Variants in DDX18 observed in about 807,000 individuals in gnomAD.
DDX18 encodes the protein ATP-dependent RNA helicase DDX18.
DDX18 carries 23 observed loss-of-function variants against 73.5 expected under a neutral mutation model. That is an observed-to-expected ratio of 0.31 (90% CI 0.23 to 0.44). The LOEUF (loss-of-function observed/expected upper bound fraction) is 0.44, where lower values mean the gene tolerates loss of function less well. DDX18 is among the 20% of genes least tolerant of loss of function. DDX18 has a pLI of 1.00. For synonymous variants in DDX18, 268 were observed against 282.7 expected (o/e 0.95, Z 0.52); for missense variants, 753 against 792.9 (o/e 0.95, Z 0.60).
Position 117,831,047 on chromosome 2 carries a change from C to A in DDX18, c.*323C>A. On this transcript the variant is annotated 3_prime_UTR_variant, in exon 14 of 14. Transcript: ENST00000263239. ...CATTTTAATATAATTCTTTTTGTACCTTTCCTTCTTGTTTTGCGAAGATTT... is the reference window on the plus strand; with the variant it reads ...CATTTTAATATAATTCTTTTTGTACATTTCCTTCTTGTTTTGCGAAGATTT... 1 of 239,666 alleles carries A rather than the reference C, an allele frequency of 4.2e-6. No homozygotes were observed. Among genetic ancestry groups the A allele is most frequent in the Non-Finnish European group, 7.9e-6 (1 of 126,468 alleles). 14.8% of individuals were successfully genotyped at this position (239,666 alleles called of 1,614,324 possible).
Position 117,826,324 on chromosome 2 carries a change from C to T in DDX18, c.1577C>T (p.Ala526Val), listed in dbSNP as rs771791188. 3.7e-6 allele frequency: 6 copies of T among 1,613,920 alleles called. No homozygotes were observed. Among genetic ancestry groups the T allele is most frequent in the Non-Finnish European group, 5.1e-6 (6 of 1,180,006 alleles). ...TARGLNGRGH[A>V]LLILRPEELG... The stretch of plus-strand genomic sequence containing the variant: ...AGAGGCCTAAATGGGAGAGGGCATG[C>T]CTTGCTCATTTTGCGCCCAGAAGAA... The change falls in exon 11 of 14, where the codon GCC becomes GTC. Residue 526 changes from alanine to valine, a missense_variant. Ala to Val is a moderately conservative substitution (Grantham distance 64). Around this residue, in one of 3 missense-constraint regions of DDX18, gnomAD observed 402 missense variants for 419.4 expected, o/e 0.96. Coordinates refer to ENST00000263239, the MANE Select transcript of DDX18 (RefSeq NM_006773.4).
In DDX18 at chr2:117,821,316, T is replaced by G. The variant is rs1490657373; in HGVS notation, c.650+20T>G. 1 of 1,587,538 alleles carries G rather than the reference T, an allele frequency of 6.3e-7. No individual in the cohort carries two copies. Among genetic ancestry groups the G allele is most frequent in the Non-Finnish European group, 8.5e-7 (1 of 1,170,904 alleles). ...AGGCAGGTATGATTAACATTGAAGC[T>G]TAGATATTGGCATCTATTTTTAGAA... On this transcript the variant is annotated intron_variant, in intron 4 of 13. Transcript: ENST00000263239.
chr2:117,820,288 A>G lies in DDX18; in HGVS notation c.514+496A>G, dbSNP rs145202602. Among the ~76,000 whole-genome samples, 333 of 152,320 alleles carry G rather than the reference A, an allele frequency of 2.2e-3. 4 individuals are homozygous for G. Among genetic ancestry groups the G allele is most frequent in the Non-Finnish European group, 3.5e-3 (240 of 68,026 alleles). ...CTAGACCTGCTTAATCCAAATTGCA[A>G]ACGTTTTGGTAGTAGCTCTCGAGCA... On this transcript the variant is annotated intron_variant, in intron 3 of 13. Coordinates refer to ENST00000263239, the MANE Select transcript of DDX18 (RefSeq NM_006773.4).
Position 117,830,669 on chromosome 2 carries a change from A to C in DDX18, c.1958A>C (p.Lys653Thr). The C allele has an allele frequency of 6.2e-7, 1 of 1,613,886 alleles. No homozygotes were observed. Among genetic ancestry groups the C allele is most frequent in the Non-Finnish European group, 8.5e-7 (1 of 1,179,814 alleles). The change falls in exon 14 of 14, where the codon AAA becomes ACA. Residue 653 changes from lysine (K) to threonine (T), a missense_variant. Transcript: ENST00000263239. Reference protein sequence around the residue: ...YQKTKKVEKSKIFKHISKKSS... With the variant: ...YQKTKKVEKSTIFKHISKKSS... ...AAAACCAAGAAAGTTGAGAAATCCA[A>C]AATCTTTAAACACATTAGCAAGAAA...
At chr2:117,824,904 G>T in intron 8 of DDX18, 36 bp from the exon 9 acceptor site, 5 of 1,564,878 alleles carry the variant, frequency 3.2e-6, no homozygotes, top group Non-Finnish European at 3.5e-6. Flanking sequence ...ATGTCCACTT[G>T]GTTCATTTGT....
chr2:117,823,788 T>C (rs1330734626), intron 7 of DDX18, among the ~76,000 whole-genome samples: 3 of 152,164 alleles, frequency 2.0e-5, no homozygotes, highest in Non-Finnish European at 2.9e-5. Flanking sequence ...TAGCTGCAGG[T>C]TTTATATAGA....
intron 10 of DDX18, 35 bp from the exon 11 acceptor site, chr2:117,826,234 A>G (rs771794480): frequency 5.7e-6 from 9 of 1,586,430 alleles, no homozygotes; most frequent in Non-Finnish European, 7.8e-6. Context: ...TGTGGAAGTC[A>G]CTGCGTTAAC....
intron 11 of DDX18, chr2:117,826,586 CTG>C: frequency 1.7e-6 from 1 of 578,090 alleles, no homozygotes. Flanking sequence ...CTTTCTAGCT[CTG>C]TTACCCAGCA....
chr2:117,821,247 A>G lies in DDX18; in HGVS notation c.601A>G (p.Asn201Asp), dbSNP rs766951855. Residue 201 changes from asparagine (N) to aspartate (D), a missense_variant, in exon 4 of 14, where the codon AAC (asparagine) becomes GAC (aspartate). Physicochemically the swap from Asn to Asp is conservative, Grantham distance 23. Around this residue, in one of 3 missense-constraint regions of DDX18, gnomAD observed 345 missense variants for 352.0 expected, o/e 0.98. Transcript: ENST00000263239. Reference protein sequence around the residue: ...LKAIKEMGFTNMTEIQHKSIR... With the variant: ...LKAIKEMGFTDMTEIQHKSIR... ...GGCAATAAAAGAAATGGGTTTTACA[A>G]ACATGACTGAAATTCAGCATAAAAG... 1.3e-5 allele frequency: 21 copies of G among 1,612,204 alleles called. No homozygotes were observed. Among genetic ancestry groups the G allele is most frequent in the Middle Eastern group, 1.6e-4 (1 of 6,068 alleles).
chr2:117,824,831 G>T (rs544657525), intron 8 of DDX18, 109 bp from the exon 9 acceptor site: 1 of 1,465,304 alleles, frequency 6.8e-7, no homozygotes, highest in South Asian at 1.4e-5. Context: ...GGTGAGGCAT[G>T]ACAGTTTACA....
At chr2:117,816,327 T>C (rs1408210518) in intron 1 of DDX18, among the ~76,000 whole-genome samples, 2 of 152,256 alleles carry the variant, frequency 1.3e-5, no homozygotes, top group Non-Finnish European at 2.9e-5. Flanking sequence ...CTTTTGACTT[T>C]AATAACACTT....
At chr2:117,828,747 CAGAA>C (rs1573414159) in intron 11 of DDX18, 198 bp from the exon 12 acceptor site, 3 of 556,234 alleles carry the variant, frequency 5.4e-6, no homozygotes, top group East Asian at 5.9e-5. Context: ...CCTTGCCTTT[CAGAA>C]AGAAAGAAGT....
rs1267747409 is a variant in DDX18, at chr2:117,825,518, G to A, written c.1440G>A (p.Leu480=). The A allele has an allele frequency of 6.2e-7, 1 of 1,614,140 alleles. No individual in the cohort carries two copies. The highest frequency in any genetic ancestry group is 1.7e-5 in the Admixed American group (1 of 60,006). The part of the protein sequence containing the change: ...QFCNADSGTL[L]CTDVAARGLD... ...GCAATGCAGATTCGGGAACACTATT[G>A]TGTACGGATGTGGCAGCGAGAGGAC... Residue 480 remains leucine, a synonymous_variant, in exon 10 of 14, where the codon TTG becomes TTA. Transcript: ENST00000263239.
intron 11 of DDX18, 101 bp downstream of exon 11, chr2:117,826,483 GT>G: frequency 9.4e-7 from 1 of 1,060,036 alleles, no homozygotes; most frequent in Admixed American, 2.2e-5. Context: ...GGCCAGTGCT[GT>G]TACAACCATT....
rs746364068 is a variant in DDX18, at chr2:117,814,727, AC to A, written c.-50del. The A allele has an allele frequency of 6.3e-7, 1 of 1,583,018 alleles. No individual in the cohort carries two copies. The highest frequency in any genetic ancestry group is 1.1e-5 in the South Asian group (1 of 89,734). Reference sequence around the variant, plus strand: ...GAAGGGAAGTAACGTCAGCCTGAGAACTGAGTAGCTGTACTGTGTGGCGCCT... The same window carrying A: ...GAAGGGAAGTAACGTCAGCCTGAGAATGAGTAGCTGTACTGTGTGGCGCCT... On this transcript the variant is annotated 5_prime_UTR_variant, in exon 1 of 14. It adds an upstream start codon to the 5' untranslated region. Coordinates refer to ENST00000263239, the MANE Select transcript of DDX18 (RefSeq NM_006773.4).
In DDX18 at chr2:117,825,715, A is replaced by G. The variant is rs1007961148; in HGVS notation, c.1521+116A>G. 2.2e-5 allele frequency: 26 copies of G among 1,203,046 alleles called. No homozygotes were observed. In the Admixed American group the frequency reaches 5.6e-4, roughly 26 times the overall value. The allele number at this position is 1,203,046 out of a possible 1,614,324, so 74.5% of individuals were successfully genotyped here. ...TTCAAGGTAAAGATCCCTACTATAC[A>G]GTGACTGCAGTATTTCTCTGGTATT... On this transcript the variant is annotated intron_variant, in intron 10 of 13. Coordinates refer to ENST00000263239, the MANE Select transcript of DDX18 (RefSeq NM_006773.4).
intron 9 of DDX18, 122 bp downstream of exon 9, chr2:117,825,223 T>A (rs1679904937): frequency 2.2e-6 from 3 of 1,335,704 alleles, no homozygotes; most frequent in East Asian, 2.3e-5. Context: ...CACCACTAGA[T>A]GATGGATCCT....
intron 3 of DDX18, among the ~76,000 whole-genome samples, chr2:117,820,906 C>G (rs560844623): frequency 6.6e-6 from 1 of 151,744 alleles, no homozygotes; most frequent in Non-Finnish European, 1.5e-5. Flanking sequence ...TATATAAATT[C>G]CTTGGTTATA....
chr2:117,824,528 C>T, intron 7 of DDX18, 41 bp from the exon 8 acceptor site: 1 of 1,337,464 alleles, frequency 7.5e-7, no homozygotes, highest in Non-Finnish European at 9.6e-7. Context: ...TGTAAAGATT[C>T]CCTAAAAGAT....
Sources: allele counts gnomAD v4.1 joint callset (sites outside exome capture counted in the v4.1 genomes callset), GRCh38; gene constraint gnomAD v4.1.1; regional missense constraint gnomAD v4.1.1; transcripts MANE v1.5; gene names NCBI Gene and HGNC (gene_info 2026-07-23, HGNC 2026-07-21).